Variants in HDAC2 observed in about 807,000 individuals in gnomAD.
HDAC2 encodes the protein histone deacetylase 2.
HDAC2 carries 5 observed loss-of-function variants against 68.5 expected under a neutral mutation model. The ratio of observed to expected loss-of-function variants is 0.07; its 90% CI spans 0.04 to 0.15. HDAC2 has a LOEUF of 0.15. Ranked by LOEUF, HDAC2 falls within the 10% of genes least tolerant of loss-of-function variation. HDAC2 has a pLI of 1.00. For missense variants in HDAC2, 291 were observed against 600.8 expected (o/e 0.48, Z 5.39); for synonymous variants, 182 against 191.3 (o/e 0.95, Z 0.40).
At chr6:113,962,963 C>CA (rs796684838) in intron 1 of HDAC2, among the ~76,000 whole-genome samples, 2,974 of 62,444 alleles carry the variant, frequency 0.048, 38 homozygotes, top group Middle Eastern at 0.085. Context: ...GACTCTGTAT[C>CA]AAAAAAAAAA....
intron 1 of HDAC2, among the ~76,000 whole-genome samples, chr6:113,965,906 T>C (rs1354635687): frequency 6.6e-6 from 1 of 152,250 alleles, no homozygotes; most frequent in Non-Finnish European, 1.5e-5. Flanking sequence ...TTTGAATTTA[T>C]TAACATTCCC....
chr6:113,951,405 C>T (rs1302213494), intron 6 of HDAC2, among the ~76,000 whole-genome samples: 2 of 151,648 alleles, frequency 1.3e-5, no homozygotes, highest in Admixed American at 1.3e-4. Context: ...AATTCTCTTA[C>T]GAAGTTATGG....
At chr6:113,941,138 A>T (rs1265046988) in intron 13 of HDAC2, 50 bp from the exon 14 acceptor site, 1 of 1,394,640 alleles carries the variant, frequency 7.2e-7, no homozygotes. Context: ...ATCTTGGTTT[A>T]AATGCACTGA....
chr6:113,945,886 C>A (rs1211466790), intron 9 of HDAC2, 122 bp downstream of exon 9: 11 of 777,676 alleles, frequency 1.4e-5, no homozygotes, highest in East Asian at 2.5e-5. Context: ...GTATTATATC[C>A]ATTTTCTACT....
Position 113,949,021 on chromosome 6 carries a change from A to G in HDAC2, c.799T>C (p.Leu267=). Residue 267 remains leucine (L), a synonymous_variant, in exon 8 of 14, where the codon TTA becomes CTA. Transcript: ENST00000519065. ...AVVLQCGADS[L]SGDRLGCFNL... ...AAACAACCCAGTCTATCACCAGATA[A>G]TGAGTCTGCACCACACTGTAATACC... The G allele has an allele frequency of 6.2e-7, 1 of 1,614,062 alleles. No individual in the cohort carries two copies. The highest frequency in any genetic ancestry group is 8.5e-7 in the Non-Finnish European group (1 of 1,179,966).
Position 113,936,509 on chromosome 6 carries a change from C to T in HDAC2, c.*4549G>A, listed in dbSNP as rs1313743717. The T allele has an allele frequency of 2.6e-5, 4 of 152,176 alleles. No individual in the cohort carries two copies. Among genetic ancestry groups the T allele is most frequent in the Non-Finnish European group, 4.4e-5 (3 of 68,008 alleles). The allele number at this position is 152,176 out of a possible 1,614,324, so 9.4% of individuals were successfully genotyped here. Reference sequence around the variant, plus strand: ...CCCCCCAAAGTTGTCAAATATTATTCGTATCCTTGCTAAAATCAGGTCTCC... The same window carrying T: ...CCCCCCAAAGTTGTCAAATATTATTTGTATCCTTGCTAAAATCAGGTCTCC... On this transcript the variant is annotated 3_prime_UTR_variant, in exon 14 of 14. Transcript: ENST00000519065.
chr6:113,967,824 T>C (rs1776859926), intron 1 of HDAC2, among the ~76,000 whole-genome samples: 1 of 152,200 alleles, frequency 6.6e-6, no homozygotes, highest in Non-Finnish European at 1.5e-5. Flanking sequence ...TTTTACAGAT[T>C]CTTGATGATC....
Position 113,970,915 on chromosome 6 carries a change from C to T in HDAC2, c.-7G>A, listed in dbSNP as rs1471124633. ...CTCCTTGACTGTACGCCATGGGCTC[C>T]CCGGCCACCGCCGCCACCGGGCTCC... On this transcript the variant is annotated 5_prime_UTR_variant, in exon 1 of 14. Coordinates refer to ENST00000519065, the MANE Select transcript of HDAC2 (RefSeq NM_001527.4). 1.9e-6 allele frequency: 3 copies of T among 1,550,194 alleles called. No individual in the cohort carries two copies. Among genetic ancestry groups the T allele is most frequent in the African/African-American group, 1.4e-5 (1 of 73,102 alleles).
chr6:113,947,742 A>G (rs1021028570), intron 8 of HDAC2: 2 of 152,174 alleles, frequency 1.3e-5, no homozygotes, highest in East Asian at 3.8e-4. Flanking sequence ...AGGGACAATT[A>G]ATTTAATATC....
intron 4 of HDAC2, 94 bp from the exon 5 acceptor site, chr6:113,956,245 G>GC: frequency 9.9e-7 from 1 of 1,009,618 alleles, no homozygotes; most frequent in East Asian, 2.5e-5. Flanking sequence ...CCATGCATAA[G>GC]CAAGAGCTTA....
chr6:113,933,881 T>C lies in HDAC2; in HGVS notation c.*7177A>G, dbSNP rs2114575339. 6.6e-6 allele frequency: 1 copy of C among 152,142 alleles called. No homozygotes were observed. The highest frequency in any genetic ancestry group is 2.1e-4 in the South Asian group (1 of 4,818). 9.4% of individuals were successfully genotyped at this position (152,142 alleles called of 1,614,324 possible). ...TTATCCCTTATTCCAATCCTGTTAT[T>C]ATTAAGGATTATATTTAACTTTACA... On this transcript the variant is annotated 3_prime_UTR_variant, in exon 14 of 14. Coordinates refer to ENST00000519065, the MANE Select transcript of HDAC2 (RefSeq NM_001527.4).
intron 1 of HDAC2, among the ~76,000 whole-genome samples, chr6:113,962,048 T>C (rs1356738973): frequency 1.3e-5 from 2 of 151,668 alleles, no homozygotes; most frequent in African/African-American, 4.9e-5. Context: ...GCCCCAATAA[T>C]TGGAGACTAC....
chr6:113,946,952 C>A (rs756079963), intron 8 of HDAC2: 4 of 151,960 alleles, frequency 2.6e-5, no homozygotes, highest in Non-Finnish European at 5.9e-5. Context: ...ATTCAAAAAT[C>A]GTTTTTCTAT....
At chr6:113,951,359 A>C (rs1439799967) in intron 6 of HDAC2, among the ~76,000 whole-genome samples, 2 of 152,246 alleles carry the variant, frequency 1.3e-5, no homozygotes, top group Non-Finnish European at 2.9e-5. Context: ...CAGAAAGTCC[A>C]AAAACAGCTG....
In HDAC2 at chr6:113,937,393, T is replaced by C. The variant is rs1336106333; in HGVS notation, c.*3665A>G. ...GTAGAAGGGCAAAGCTTAGATATGA[T>C]GTAACTAGCTTAGAGTACCAATGCT... On this transcript the variant is annotated 3_prime_UTR_variant, in exon 14 of 14. Coordinates refer to ENST00000519065, the MANE Select transcript of HDAC2 (RefSeq NM_001527.4). 1 of 152,188 alleles carries C rather than the reference T, an allele frequency of 6.6e-6. No individual in the cohort carries two copies. The highest frequency in any genetic ancestry group is 1.5e-5 in the Non-Finnish European group (1 of 68,026). The allele number at this position is 152,188 out of a possible 1,614,324, so 9.4% of individuals were successfully genotyped here.
At chr6:113,943,612 C>A in intron 11 of HDAC2, 106 bp from the exon 12 acceptor site, 2 of 698,446 alleles carry the variant, frequency 2.9e-6, no homozygotes, top group Non-Finnish European at 4.4e-6. Context: ...CACATTTAAA[C>A]GTAAAGGGTA....
intron 1 of HDAC2, among the ~76,000 whole-genome samples, chr6:113,964,121 G>A (rs1403596707): frequency 1.3e-5 from 2 of 152,016 alleles, no homozygotes; most frequent in Non-Finnish European, 2.9e-5. Flanking sequence ...ATCATAAATA[G>A]CCTCACATTG....
intron 1 of HDAC2, chr6:113,968,489 TAATA>T (rs1317282968): frequency 5.3e-5 from 8 of 152,224 alleles, no homozygotes; most frequent in African/African-American, 1.9e-4. Context: ...TATCACATAT[TAATA>T]ATTAGCATAA....
intron 1 of HDAC2, among the ~76,000 whole-genome samples, chr6:113,963,933 T>G (rs559572747): frequency 6.6e-6 from 1 of 152,334 alleles, no homozygotes; most frequent in South Asian, 2.1e-4. Flanking sequence ...CTTATCCATA[T>G]TCCTTCAAAT....
Sources: allele counts gnomAD v4.1 joint callset (sites outside exome capture counted in the v4.1 genomes callset), GRCh38; gene constraint gnomAD v4.1.1; transcripts MANE v1.5; gene names NCBI Gene and HGNC (gene_info 2026-07-23, HGNC 2026-07-21).